Variants in GFAP observed in about 807,000 individuals in gnomAD.
GFAP encodes the protein intermediate filament protein.
A neutral mutation model predicts 49.3 loss-of-function variants in GFAP; 38 were observed. The ratio of observed to expected loss-of-function variants is 0.77; its 90% CI spans 0.60 to 1.01. The LOEUF is 1.01. Ranked by LOEUF, GFAP falls within the 50% of genes least tolerant of loss-of-function variation. The pLI, the probability that GFAP is intolerant of heterozygous loss-of-function variation, is 0.00. For synonymous variants in GFAP, 222 were observed against 236.4 expected (o/e 0.94, Z 0.56); for missense variants, 463 against 579.1 (o/e 0.80, Z 2.06).
rs1251088864 is a variant in GFAP, at chr17:44,904,378, G to A, written c.*2969C>T. ...GGACCCCCTGTGACCGCTGCGGAGT[G>A]CGTGGGGAGCAGTGGCGCATCGGCC... On this transcript the variant is annotated 3_prime_UTR_variant, in exon 9 of 9. Coordinates refer to ENST00000588735, the MANE Select transcript of GFAP (RefSeq NM_002055.5). 3 of 1,543,080 alleles carry A rather than the reference G, an allele frequency of 1.9e-6. No homozygotes were observed. The highest frequency in any genetic ancestry group is 1.7e-4 in the Middle Eastern group (1 of 5,966).
chr17:44,912,449 TC>T (rs2051796154), intron 4 of GFAP: 1 of 153,366 alleles, frequency 6.5e-6, no homozygotes, highest in Non-Finnish European at 1.4e-5. Flanking sequence ...TAGCCCTTTC[TC>T]CCCTGCCTGC....
rs1597852216 is a variant in GFAP at position 44,907,336 on chromosome 17, T to G, written c.*11A>C. ...ATGAGACGGGGCAGAGGCCACCAGG[T>G]GGGTCCTGCCTCACATCACATCCTT... On this transcript the variant is annotated 3_prime_UTR_variant, in exon 9 of 9. Transcript: ENST00000588735. The G allele has an allele frequency of 1.2e-6, 2 of 1,613,500 alleles. No homozygotes were observed. The highest frequency in any genetic ancestry group is 8.5e-7 in the Non-Finnish European group (1 of 1,179,486).
At position 44,914,043 on chromosome 17, in the gene GFAP, C is replaced by T. The variant is rs1269317146; in HGVS notation, c.507G>A (p.Leu169=). The part of the protein sequence containing the change: ...TNLRLEAENN[L]AAYRQEADEA... ...CCTCCCTGACCTGTCTATAGGCAGC[C>T]AGGTTGTTCTCGGCTTCCAGCCTCA... Residue 169 remains leucine, a synonymous_variant, in exon 2 of 9, where the codon CTG becomes CTA. Coordinates refer to ENST00000588735, the MANE Select transcript of GFAP (RefSeq NM_002055.5). The T allele has an allele frequency of 1.3e-6, 2 of 1,559,754 alleles. No homozygotes were observed. The highest frequency in any genetic ancestry group is 2.7e-5 in the African/African-American group (2 of 73,576).
intron 8 of GFAP, 21 bp downstream of exon 8, chr17:44,908,043 T>G (rs371714321): frequency 1.9e-4 from 301 of 1,552,722 alleles, no homozygotes; most frequent in Non-Finnish European, 2.5e-4. Context: ...AGAGCCTGAC[T>G]GGGCCCAAAT....
chr17:44,904,505 A>G lies in GFAP; in HGVS notation c.*2842T>C. The stretch of plus-strand genomic sequence containing the variant: ...GGCTGTGCCAAGGAAGCTGCGGACC[A>G]AGGCCAGGGACCACACGCCTGAGGT... On this transcript the variant is annotated 3_prime_UTR_variant, in exon 9 of 9. Coordinates refer to ENST00000588735, the MANE Select transcript of GFAP (RefSeq NM_002055.5). 6.5e-7 allele frequency: 1 copy of G among 1,549,630 alleles called. No homozygotes were observed. Among genetic ancestry groups the G allele is most frequent in the Middle Eastern group, 1.7e-4 (1 of 5,988 alleles).
rs1281410502 is a variant in GFAP, at chr17:44,904,359, C to T, written c.*2988G>A. 1.3e-6 allele frequency: 2 copies of T among 1,543,958 alleles called. No individual in the cohort carries two copies. The highest frequency in any genetic ancestry group is 1.8e-6 in the Non-Finnish European group (2 of 1,142,502). On this transcript the variant is annotated 3_prime_UTR_variant, in exon 9 of 9. Coordinates refer to ENST00000588735, the MANE Select transcript of GFAP (RefSeq NM_002055.5). ...TTCACCACCTTCTGGGAATGGACCC[C>T]CTGTGACCGCTGCGGAGTGCGTGGG...
intron 5 of GFAP, 99 bp from the exon 6 acceptor site, chr17:44,911,555 G>T (rs2051767589): frequency 6.4e-7 from 1 of 1,561,726 alleles, no homozygotes; most frequent in Admixed American, 1.7e-5. Flanking sequence ...TAGCCCGGGG[G>T]TAACGTTCAG....
chr17:44,907,299 C>G lies in GFAP; in HGVS notation c.*48G>C. ...AGGCGGAGCAACTATCCTGCTTCTG[C>G]TCGGGCCCCTCATGAGACGGGGCAG... On this transcript the variant is annotated 3_prime_UTR_variant, in exon 9 of 9. Coordinates refer to ENST00000588735, the MANE Select transcript of GFAP (RefSeq NM_002055.5). The G allele has an allele frequency of 6.3e-7, 1 of 1,588,118 alleles. No homozygotes were observed. The highest frequency in any genetic ancestry group is 8.6e-7 in the Non-Finnish European group (1 of 1,156,660).
At position 44,915,385 on chromosome 17, in the gene GFAP, G is replaced by A. The variant is rs747787966; in HGVS notation, c.102C>T (p.Gly34=). 1.2e-6 allele frequency: 2 copies of A among 1,607,988 alleles called. No individual in the cohort carries two copies. The highest frequency in any genetic ancestry group is 1.1e-5 in the South Asian group (1 of 90,716). ...GCATTCGAGCCAGGGAGAGGCGGGTGCCAGGACCCAGACGGCGGCCAGGAG... is the reference window on the plus strand; with the variant it reads ...GCATTCGAGCCAGGGAGAGGCGGGTACCAGGACCCAGACGGCGGCCAGGAG... ...GLAPGRRLGP[G]TRLSLARMPP... is the part of the protein sequence containing the mutation. The change falls in exon 1 of 9, where the codon GGC becomes GGT. Residue 34 remains glycine (G), a synonymous_variant. Coordinates refer to ENST00000588735, the MANE Select transcript of GFAP (RefSeq NM_002055.5). This position sits in a 1 kb window ranked among gnomAD's most constrained non-coding sequence, Gnocchi z 4.1.
At chr17:44,912,307 G>A (rs1343968521) in intron 4 of GFAP, 2 of 156,910 alleles carry the variant, frequency 1.3e-5, no homozygotes, top group African/African-American at 4.8e-5. Context: ...ATTTTTAGTA[G>A]AGACGGGGTT....
In GFAP at chr17:44,903,804, C is replaced by T. The variant is rs1200538971; in HGVS notation, c.*3543G>A. The T allele has an allele frequency of 4.6e-6, 7 of 1,534,380 alleles. No individual in the cohort carries two copies. Among genetic ancestry groups the T allele is most frequent in the South Asian group, 1.2e-5 (1 of 82,072 alleles). On this transcript the variant is annotated 3_prime_UTR_variant, in exon 9 of 9. Transcript: ENST00000588735. The stretch of plus-strand genomic sequence containing the variant: ...CTTTAATGCCCTGGTTTTGCCCTGC[C>T]CCTCTGACCCCTGCCTCCTTCAGGT...
Position 44,907,060 on chromosome 17 carries a change from C to A in GFAP, c.*287G>T, listed in dbSNP as rs1366485707. The A allele has an allele frequency of 3.7e-6, 2 of 539,520 alleles. No individual in the cohort carries two copies. The highest frequency in any genetic ancestry group is 6.7e-6 in the Non-Finnish European group (2 of 297,178). 33.4% of individuals were successfully genotyped at this position (539,520 alleles called of 1,614,324 possible). ...CCGCCCTCCTCCCCTTCTCTCCTTCCTCCTCATTCTAACGCAAGCTGCTGG... is the reference window on the plus strand; with the variant it reads ...CCGCCCTCCTCCCCTTCTCTCCTTCATCCTCATTCTAACGCAAGCTGCTGG... On this transcript the variant is annotated 3_prime_UTR_variant, in exon 9 of 9. Coordinates refer to ENST00000588735, the MANE Select transcript of GFAP (RefSeq NM_002055.5).
intron 7 of GFAP, chr17:44,908,862 A>AGCAG (rs1365902317): frequency 2.0e-5 from 3 of 151,448 alleles, no homozygotes; most frequent in African/African-American, 7.4e-5. Context: ...CTCCGTCGAA[A>AGCAG]GCAGGCAAGC....
chr17:44,913,450 C>A lies in GFAP; in HGVS notation c.619-20G>T. The A allele has an allele frequency of 1.2e-6, 2 of 1,612,696 alleles. No individual in the cohort carries two copies. Among genetic ancestry groups the A allele is most frequent in the Non-Finnish European group, 1.7e-6 (2 of 1,179,498 alleles). On this transcript the variant is annotated intron_variant, in intron 3 of 8. Transcript: ENST00000588735. ...AACCTCCTGACCAGGGTGAGAGAAG[C>A]GGTACCAGGGCTCAGGGTACAGGCC...
In GFAP at chr17:44,911,666, G is replaced by T; in HGVS notation, c.906+6C>A. 2 of 1,611,936 alleles carry T rather than the reference G, an allele frequency of 1.2e-6. No homozygotes were observed. The highest frequency in any genetic ancestry group is 1.7e-6 in the Non-Finnish European group (2 of 1,179,832). ...CCCGTCCCCGTCCTGCCCTGGCCGC[G>T]CTCACCGTGCCGCGCAGAGACTCCA... On this transcript the variant is annotated splice_donor_region_variant and intron_variant, in intron 5 of 8. Coordinates refer to ENST00000588735, the MANE Select transcript of GFAP (RefSeq NM_002055.5).
intron 6 of GFAP, chr17:44,910,923 G>A (rs1567773268): frequency 8.2e-6 from 5 of 607,802 alleles, no homozygotes; most frequent in Non-Finnish European, 1.2e-5. Context: ...AAAGTTCCAA[G>A]GAGGCAGAAG....
At position 44,904,603 on chromosome 17, in the gene GFAP, CTA is replaced by C. The variant is rs1326979621; in HGVS notation, c.*2742_*2743del. On this transcript the variant is annotated 3_prime_UTR_variant, in exon 9 of 9. Transcript: ENST00000588735. ...GGGAGGGCGTGCTGGCCATCATTAA[CTA>C]TGTGTCCAAAGTGGGCAGCCGGCCC... 52 of 1,550,494 alleles carry C rather than the reference CTA, an allele frequency of 3.4e-5. No homozygotes were observed. The highest frequency in any genetic ancestry group is 4.3e-5 in the Non-Finnish European group (49 of 1,147,014).
At position 44,912,780 on chromosome 17, in the gene GFAP, A is replaced by G. The variant is rs558226478; in HGVS notation, c.780+489T>C. 3.3e-4 allele frequency: 76 copies of G among 230,804 alleles called. 2 individuals are homozygous for G. The South Asian group carries it at 4.6e-3, about 14-fold the overall frequency. The allele number at this position is 230,804 out of a possible 1,614,324, so 14.3% of individuals were successfully genotyped here. ...GGTGCACGTCAATATCACACCTTCC[A>G]GGTCAGACACCTCTCTGTGTCCTGG... On this transcript the variant is annotated intron_variant, in intron 4 of 8. Coordinates refer to ENST00000588735, the MANE Select transcript of GFAP (RefSeq NM_002055.5).
intron 7 of GFAP, 98 bp from the exon 8 acceptor site, chr17:44,908,247 G>C: frequency 1.2e-6 from 1 of 835,194 alleles, no homozygotes; most frequent in Non-Finnish European, 2.1e-6. Flanking sequence ...TCCCCATCAT[G>C]AGTATGAGAA....
Sources: allele counts gnomAD v4.1 joint callset, GRCh38; gene constraint gnomAD v4.1.1; non-coding constraint Gnocchi (gnomAD v3.1); transcripts MANE v1.5; gene names NCBI Gene and HGNC (gene_info 2026-07-23, HGNC 2026-07-21).